CCDC171: variants seen among roughly 807,000 people sequenced by gnomAD.
The protein encoded by CCDC171 is coiled-coil domain containing 171.
CCDC171 carries 177 observed loss-of-function variants against 168.2 expected under a neutral mutation model. The observed-to-expected ratio is 1.05, with a 90% confidence interval of 0.93 to 1.19. The LOEUF (loss-of-function observed/expected upper bound fraction) is 1.19, where lower values mean the gene tolerates loss of function less well. CCDC171 is among the 50% of genes most tolerant of loss of function. CCDC171 has a pLI of 0.00. For missense variants in CCDC171, 1,991 were observed against 1,539.0 expected (o/e 1.29, Z -4.91); for synonymous variants, 687 against 540.8 (o/e 1.27, Z -3.75).
the CCDC171 span, among the ~76,000 whole-genome samples, chr9:16,108,640 A>G: frequency 6.6e-6 from 1 of 152,250 alleles, no homozygotes; most frequent in African/African-American, 2.4e-5. Context: ...ATGTATGAAT[A>G]TACTCAGTCC....
chr9:15,825,708 A>C (rs567137424), intron 21 of CCDC171, among the ~76,000 whole-genome samples: 2 of 152,142 alleles, frequency 1.3e-5, no homozygotes, highest in Admixed American at 6.5e-5. Flanking sequence ...TAAAGAAGAA[A>C]ATTGGTTAAA....
chr9:16,019,280 C>T (rs749398792), intron 3 of CCDC171, among the ~76,000 whole-genome samples: 7 of 152,112 alleles, frequency 4.6e-5, no homozygotes, highest in East Asian at 1.9e-4. Context: ...AGCCAAGTTC[C>T]GCTAGGTTTA....
intron 6 of CCDC171, among the ~76,000 whole-genome samples, chr9:15,618,952 G>C (rs900037132): frequency 1.3e-5 from 2 of 152,036 alleles, no homozygotes; most frequent in Non-Finnish European, 2.9e-5. Flanking sequence ...GTTTCTATTT[G>C]GCCATCGTGG....
At chr9:15,685,354 T>A (rs2050317286) in intron 10 of CCDC171, among the ~76,000 whole-genome samples, 1 of 152,130 alleles carries the variant, frequency 6.6e-6, no homozygotes, top group African/African-American at 2.4e-5. Flanking sequence ...AGACCAGATA[T>A]GGTGGCTGAC....
At chr9:15,701,389 C>A (rs983225091) in intron 11 of CCDC171, among the ~76,000 whole-genome samples, 3 of 151,976 alleles carry the variant, frequency 2.0e-5, no homozygotes, top group African/African-American at 7.3e-5. Context: ...ATGTTTGAGT[C>A]TTTACTCCAT....
chr9:15,953,898 C>T (rs1564062461), intron 25 of CCDC171, among the ~76,000 whole-genome samples: 1 of 151,722 alleles, frequency 6.6e-6, no homozygotes, highest in East Asian at 1.9e-4. Context: ...GTTAGTTAGT[C>T]CTGGTAGGTT....
chr9:15,739,048 A>G (rs1449637097), intron 16 of CCDC171, among the ~76,000 whole-genome samples: 1 of 152,184 alleles, frequency 6.6e-6, no homozygotes, highest in African/African-American at 2.4e-5. Flanking sequence ...GCAATCTTGT[A>G]TTTGAGGGAG....
At chr9:15,561,433 C>A (rs2132505159) in intron 1 of CCDC171, among the ~76,000 whole-genome samples, 1 of 152,292 alleles carries the variant, frequency 6.6e-6, no homozygotes, top group Non-Finnish European at 1.5e-5. Flanking sequence ...TTTTTAATCA[C>A]TGACATAGTT....
At chr9:15,729,909 C>T (rs141163547) in intron 16 of CCDC171, 111 bp downstream of exon 16, 102 of 751,552 alleles carry the variant, frequency 1.4e-4, no homozygotes, top group Middle Eastern at 9.8e-4. Context: ...TTAAGAACTT[C>T]GTAGAACTTG....
Position 15,615,777 on chromosome 9 carries a change from A to AT in CCDC171, c.676-7474dup, listed in dbSNP as rs35595117. 1.4e-3 allele frequency among the ~76,000 whole-genome samples: 190 copies of AT among 140,194 alleles called. 1 individual carries two copies. Among genetic ancestry groups the AT allele is most frequent in the East Asian group, 9.4e-3 (44 of 4,700 alleles). The allele number at this position is 140,194 out of a possible 152,430, so 92.0% of individuals were successfully genotyped here. On this transcript the variant is annotated intron_variant, in intron 6 of 25. Coordinates refer to ENST00000380701, the MANE Select transcript of CCDC171 (RefSeq NM_173550.4). ...GTCAGTAAAATGGGAATCACGTGTG[A>AT]TTTTTTTTTTTTTTTTCTTCAGACA... is the stretch of plus-strand genomic sequence containing the variant.
At chr9:16,014,156 T>C (rs572355001) in intron 3 of CCDC171, among the ~76,000 whole-genome samples, 2 of 152,370 alleles carry the variant, frequency 1.3e-5, no homozygotes, top group South Asian at 2.1e-4. Context: ...ATTAAGTTTA[T>C]GCAATATTCT....
intron 18 of CCDC171, among the ~76,000 whole-genome samples, chr9:15,769,804 A>T (rs2056919491): frequency 6.6e-6 from 1 of 152,190 alleles, no homozygotes; most frequent in Non-Finnish European, 1.5e-5. Context: ...GCTTTTCAGT[A>T]TTCTCTAAAT....
At chr9:15,989,124 T>C (rs570318282) in intron 3 of CCDC171, among the ~76,000 whole-genome samples, 2 of 152,300 alleles carry the variant, frequency 1.3e-5, no homozygotes, top group Non-Finnish European at 2.9e-5. Context: ...ATGGACAGAC[T>C]GCCTCCTCAA....
At chr9:15,892,105 C>A (rs1480431842) in intron 24 of CCDC171, among the ~76,000 whole-genome samples, 2 of 152,154 alleles carry the variant, frequency 1.3e-5, no homozygotes, top group African/African-American at 4.8e-5. Context: ...ATTTCCCCAA[C>A]TTGAAAAATG....
At chr9:15,769,574 T>C (rs2135250098) in intron 18 of CCDC171, among the ~76,000 whole-genome samples, 1 of 152,348 alleles carries the variant, frequency 6.6e-6, no homozygotes, top group East Asian at 1.9e-4. Context: ...GTCACAGATA[T>C]TTTTATATTG....
chr9:15,942,518 G>C (rs551576014), intron 25 of CCDC171, among the ~76,000 whole-genome samples: 15 of 151,966 alleles, frequency 9.9e-5, no homozygotes, highest in African/African-American at 2.6e-4. Context: ...CCTGAGATCA[G>C]GAATTGTGTC....
chr9:15,803,377 T>G (rs2058920892), intron 21 of CCDC171, among the ~76,000 whole-genome samples: 1 of 151,962 alleles, frequency 6.6e-6, no homozygotes, highest in South Asian at 2.1e-4. Context: ...TTTCTAGGGT[T>G]TTTTTTTGTA....
At position 15,902,262 on chromosome 9, in the gene CCDC171, G is replaced by GTA. The variant is rs1168245282; in HGVS notation, c.3601-17989_3601-17988dup. 1.9e-3 allele frequency among the ~76,000 whole-genome samples: 278 copies of GTA among 142,980 alleles called. 1 individual carries two copies. The highest frequency in any genetic ancestry group is 3.8e-3 in the African/African-American group (145 of 38,416). 93.8% of individuals were successfully genotyped at this position (142,980 alleles called of 152,430 possible). On this transcript the variant is annotated intron_variant, in intron 24 of 25. Transcript: ENST00000380701. ...ATAAAATTCATATATATATATATAT[G>GTA]TATATATATATATATATATACACAC...
chr9:15,735,560 A>G (rs2054438653), intron 16 of CCDC171, among the ~76,000 whole-genome samples: 1 of 152,142 alleles, frequency 6.6e-6, no homozygotes, highest in African/African-American at 2.4e-5. Flanking sequence ...ACTCAGGGAG[A>G]TTCAGGTTCA....
Sources: gnomAD v4.1 joint callset for allele counts (sites outside exome capture counted in the v4.1 genomes callset) on GRCh38, gnomAD v4.1.1 for gene constraint, MANE v1.5 for transcripts, NCBI Gene and HGNC (gene_info 2026-07-23, HGNC 2026-07-21) for gene names.